Variants in ECEL1 observed in about 807,000 individuals in gnomAD.
The protein encoded by ECEL1 is endothelin-converting enzyme-like 1.
ECEL1 carries 87 observed loss-of-function variants against 101.8 expected under a neutral mutation model. That is an observed-to-expected ratio of 0.85 (90% CI 0.72 to 1.02). ECEL1 has a LOEUF of 1.02. ECEL1 is among the 50% of genes least tolerant of loss of function. The probability of loss-of-function intolerance (pLI) is 0.00; values close to 1 mark genes in which losing one functional copy is unlikely to be tolerated. For missense variants in ECEL1, 1,032 were observed against 1,079.2 expected (o/e 0.96, Z 0.61); for synonymous variants, 487 against 468.7 (o/e 1.04, Z -0.50).
chr2:232,482,685 G>A (rs1464266003), intron 10 of ECEL1, 77 bp from the exon 11 acceptor site: 36 of 1,545,954 alleles, frequency 2.3e-5, no homozygotes, highest in Non-Finnish European at 2.8e-5. Flanking sequence ...TTCCTCGTCA[G>A]CCATCTCCTG....
rs751110365 is a variant in ECEL1, at chr2:232,485,066, A to G, written c.881T>C (p.Met294Thr). 3.7e-6 allele frequency: 6 copies of G among 1,612,222 alleles called. No individual in the cohort carries two copies. In the East Asian group the frequency reaches 8.9e-5, roughly 24 times the overall value. ...ACCCAGGAGGCTGAGCACTCGCTCC[A>G]TGAACACCCTGTATGCTGCCAGGAT... The part of the protein sequence containing the change: ...EKILAAYRVF[M>T]ERVLSLLGAD... Residue 294 changes from methionine (M) to threonine (T), a missense_variant, in exon 4 of 18, where the codon ATG becomes ACG. Coordinates refer to ENST00000304546, the MANE Select transcript of ECEL1 (RefSeq NM_004826.4).
rs374293911 is a variant in ECEL1 at position 232,480,184 on chromosome 2, A to G, written c.2297T>C (p.Met766Thr). The change falls in exon 18 of 18, where the codon ATG becomes ACG. Residue 766 changes from methionine (M) to threonine (T), a missense_variant. Coordinates refer to ENST00000304546, the MANE Select transcript of ECEL1 (RefSeq NM_004826.4). ...CACGGAACACTTGTGGGCAGGGTTC[A>G]TGGGTGAGTCCTTGGGACAGTGGAA... ...RAFHCPKDSPMNPAHKCSVW is the reference protein window; with the variant it reads ...RAFHCPKDSPTNPAHKCSVW 2.4e-5 allele frequency: 39 copies of G among 1,613,716 alleles called. No individual in the cohort carries two copies. Among genetic ancestry groups the G allele is most frequent in the Non-Finnish European group, 3.1e-5 (37 of 1,179,946 alleles).
chr2:232,487,218 A>G (rs1690752532), intron 1 of ECEL1, among the ~76,000 whole-genome samples: 1 of 152,156 alleles, frequency 6.6e-6, no homozygotes, highest in Non-Finnish European at 1.5e-5. Flanking sequence ...AAGCGGCCAA[A>G]GAACCAAACT....
At chr2:232,487,094 C>T (rs564604329) in intron 1 of ECEL1, among the ~76,000 whole-genome samples, 19 of 152,334 alleles carry the variant, frequency 1.2e-4, no homozygotes, top group African/African-American at 4.3e-4. Context: ...CTGCCCCAGC[C>T]AAGGCCGGGT....
chr2:232,480,176 C>T lies in ECEL1; in HGVS notation c.2305G>A (p.Ala769Thr). The T allele has an allele frequency of 6.2e-7, 1 of 1,613,750 alleles. No homozygotes were observed. ...GCTCACCACACGGAACACTTGTGGGCAGGGTTCATGGGTGAGTCCTTGGGA... is the reference window on the plus strand; with the variant it reads ...GCTCACCACACGGAACACTTGTGGGTAGGGTTCATGGGTGAGTCCTTGGGA... Reference protein sequence around the residue: ...HCPKDSPMNPAHKCSVW With the variant: ...HCPKDSPMNPTHKCSVW The change falls in exon 18 of 18, where the codon GCC becomes ACC. Residue 769 changes from alanine (A) to threonine (T), a missense_variant. Transcript: ENST00000304546.
chr2:232,481,458 C>G (rs753679242), intron 14 of ECEL1, 48 bp downstream of exon 14: 3 of 1,570,080 alleles, frequency 1.9e-6, no homozygotes, highest in Middle Eastern at 1.7e-4. Flanking sequence ...GCTCCCGGCC[C>G]GTGCCCCACC....
chr2:232,483,339 T>G, intron 8 of ECEL1, 77 bp downstream of exon 8: 1 of 1,545,926 alleles, frequency 6.5e-7, no homozygotes, highest in South Asian at 1.2e-5. Flanking sequence ...TCTTTGTCCC[T>G]TTTGTTCTCT....
chr2:232,483,498 T>G lies in ECEL1; in HGVS notation c.1424A>C (p.Glu475Ala). 1 of 1,609,934 alleles carries G rather than the reference T, an allele frequency of 6.2e-7. No homozygotes were observed. The highest frequency in any genetic ancestry group is 8.5e-7 in the Non-Finnish European group (1 of 1,178,916). ...ASKAKVQQLVEDIKYILGQRL... is the reference protein window; with the variant it reads ...ASKAKVQQLVADIKYILGQRL... ...CTGGCCCAGGATGTACTTGATGTCT[T>G]CCACTAGCTGCTGCACCTGCAGGGT... The change falls in exon 8 of 18, where the codon GAA becomes GCA. Residue 475 changes from glutamate (E) to alanine (A), a missense_variant. Physicochemically the swap from Glu to Ala is moderately radical, Grantham distance 107 (BLOSUM62 -1). Coordinates refer to ENST00000304546, the MANE Select transcript of ECEL1 (RefSeq NM_004826.4).
At chr2:232,485,115 C>T (rs770365365) in intron 3 of ECEL1, 24 bp from the exon 4 acceptor site, 2 of 1,611,474 alleles carry the variant, frequency 1.2e-6, no homozygotes, top group Admixed American at 3.3e-5. Flanking sequence ...GGGGGCTCAC[C>T]CAGGGACAGG....
chr2:232,485,177 T>A (rs1004049551), intron 3 of ECEL1, 22 bp downstream of exon 3: 1 of 1,613,254 alleles, frequency 6.2e-7, no homozygotes, highest in African/African-American at 1.3e-5. Flanking sequence ...CTTCCCTGCC[T>A]CCCCATCCCA....
chr2:232,481,570 C>T lies in ECEL1; in HGVS notation c.1925G>A (p.Arg642His), dbSNP rs997757623. 6.8e-6 allele frequency: 11 copies of T among 1,613,692 alleles called. No homozygotes were observed. Among genetic ancestry groups the T allele is most frequent in the East Asian group, 6.7e-5 (3 of 44,890 alleles). Residue 642 changes from arginine (R) to histidine (H), a missense_variant, in exon 14 of 18, where the codon CGC (arginine) becomes CAC (histidine). By Grantham distance (29) the Arg-to-His change is conservative. Transcript: ENST00000304546. Reference protein sequence around the residue: ...LHWWTEASYSRFLRKAECIVR... With the variant: ...LHWWTEASYSHFLRKAECIVR... ...GATGCACTCAGCCTTTCGCAGGAAG[C>T]GGCTGTAGGAGGCCTCCGTCCACCA... is the stretch of plus-strand genomic sequence containing the variant.
At position 232,483,493 on chromosome 2, in the gene ECEL1, T is replaced by C. The variant is rs771042731; in HGVS notation, c.1429A>G (p.Ile477Val). The change falls in exon 8 of 18, where the codon ATC (isoleucine) becomes GTC (valine). Residue 477 changes from isoleucine to valine, a missense_variant. By Grantham distance (29) the Ile-to-Val change is conservative. Coordinates refer to ENST00000304546, the MANE Select transcript of ECEL1 (RefSeq NM_004826.4). ...AGGCGCTGGCCCAGGATGTACTTGA[T>C]GTCTTCCACTAGCTGCTGCACCTGC... is the stretch of plus-strand genomic sequence containing the variant. ...KAKVQQLVED[I>V]KYILGQRLEE... is the part of the protein sequence containing the mutation. 5 of 1,611,334 alleles carry C rather than the reference T, an allele frequency of 3.1e-6. No homozygotes were observed. The Admixed American group carries it at 8.4e-5, about 27-fold the overall frequency.
rs1358600178 is a variant in ECEL1 at position 232,486,610 on chromosome 2, T to G, written c.44A>C (p.Gln15Pro). Reference protein sequence around the residue: ...YSLTAHYDEFQEVKYVSRCGA... With the variant: ...YSLTAHYDEFPEVKYVSRCGA... ...GCAGCGGCTCACGTACTTGACCTCT[T>G]GGAACTCATCGTAGTGCGCCGTCAG... The change falls in exon 2 of 18, where the codon CAA becomes CCA. Residue 15 changes from glutamine (Q) to proline (P), a missense_variant. By Grantham distance (76) the Gln-to-Pro change is moderately conservative. Transcript: ENST00000304546. 2 of 1,522,340 alleles carry G rather than the reference T, an allele frequency of 1.3e-6. No individual in the cohort carries two copies. Among genetic ancestry groups the G allele is most frequent in the Middle Eastern group, 2.4e-4 (1 of 4,216 alleles). The allele number at this position is 1,522,340 out of a possible 1,614,324, so 94.3% of individuals were successfully genotyped here. A position where few individuals can be genotyped will look rare whatever the true frequency, so the allele number is the denominator to read the frequency against.
rs772663779 is a variant in ECEL1, at chr2:232,486,366, G to A, written c.288C>T (p.Pro96=). 7 of 1,502,084 alleles carry A rather than the reference G, an allele frequency of 4.7e-6. No individual in the cohort carries two copies. The highest frequency in any genetic ancestry group is 6.2e-6 in the Non-Finnish European group (7 of 1,136,600). The allele number at this position is 1,502,084 out of a possible 1,614,324, so 93.0% of individuals were successfully genotyped here. The stretch of plus-strand genomic sequence containing the variant: ...AGGCCTTGCGCTCAGGGCAGCCCTC[G>A]GGACAGGCGCCGCCGCCGGCCGCGA... The part of the protein sequence containing the change: ...GPVAAGGGAC[P]EGCPERKAFA... The change falls in exon 2 of 18, where the codon CCC becomes CCT. Residue 96 remains proline, a synonymous_variant. Coordinates refer to ENST00000304546, the MANE Select transcript of ECEL1 (RefSeq NM_004826.4).
intron 15 of ECEL1, 135 bp from the exon 16 acceptor site, chr2:232,480,948 C>T (rs868427539): frequency 5.7e-5 from 76 of 1,341,852 alleles, no homozygotes; most frequent in African/African-American, 4.9e-4. Flanking sequence ...TCCAGTGGAC[C>T]GTGGCCCCAG....
Position 232,481,558 on chromosome 2 carries a change from T to C in ECEL1, c.1937A>G (p.Lys646Arg), listed in dbSNP as rs149922272. 1.6e-4 allele frequency: 257 copies of C among 1,613,848 alleles called. 2 individuals are homozygous for C. In the African/African-American group the frequency reaches 3.1e-3, roughly 20 times the overall value. ...ATAGAGACGGACGATGCACTCAGCC[T>C]TTCGCAGGAAGCGGCTGTAGGAGGC... Reference protein sequence around the residue: ...TEASYSRFLRKAECIVRLYDN... With the variant: ...TEASYSRFLRRAECIVRLYDN... The change falls in exon 14 of 18, where the codon AAG becomes AGG. Residue 646 changes from lysine to arginine, a missense_variant. Coordinates refer to ENST00000304546, the MANE Select transcript of ECEL1 (RefSeq NM_004826.4).
intron 14 of ECEL1, 143 bp downstream of exon 14, chr2:232,481,363 G>C: frequency 2.1e-6 from 3 of 1,418,824 alleles, no homozygotes; most frequent in Non-Finnish European, 2.9e-6. Context: ...GTCCACGTGA[G>C]TGTGCGTGGG....
At chr2:232,483,572 T>A (rs1446477102) in intron 7 of ECEL1, 58 bp from the exon 8 acceptor site, 2 of 1,454,362 alleles carry the variant, frequency 1.4e-6, no homozygotes, top group African/African-American at 2.8e-5. Flanking sequence ...CTATCACTCC[T>A]GGCAGGAGGG....
Position 232,483,491 on chromosome 2 carries a change from G to A in ECEL1, c.1431C>T (p.Ile477=), listed in dbSNP as rs1344169798. The change falls in exon 8 of 18, where the codon ATC becomes ATT. Residue 477 remains isoleucine, a synonymous_variant. Coordinates refer to ENST00000304546, the MANE Select transcript of ECEL1 (RefSeq NM_004826.4). ...CCAGGCGCTGGCCCAGGATGTACTT[G>A]ATGTCTTCCACTAGCTGCTGCACCT... The part of the protein sequence containing the change: ...KAKVQQLVED[I]KYILGQRLEE... The A allele has an allele frequency of 6.2e-7, 1 of 1,611,672 alleles. No individual in the cohort carries two copies. Among genetic ancestry groups the A allele is most frequent in the East Asian group, 2.2e-5 (1 of 44,826 alleles).
Sources: allele counts gnomAD v4.1 joint callset (sites outside exome capture counted in the v4.1 genomes callset), GRCh38; gene constraint gnomAD v4.1.1; transcripts MANE v1.5; gene names NCBI Gene and HGNC (gene_info 2026-07-23, HGNC 2026-07-21).